NELL1: variants seen among roughly 807,000 people sequenced by gnomAD.
NELL1 encodes the protein protein kinase C-binding protein NELL1.
Under a neutral mutation model 107.4 loss-of-function variants are expected in NELL1, and 76 were observed. That is an observed-to-expected ratio of 0.71 (90% CI 0.59 to 0.86). NELL1 has a LOEUF of 0.86. Among genes scored for constraint, NELL1 ranks in the 40% least tolerant of loss-of-function variants. The pLI is 0.00. For missense variants in NELL1, 1,024 were observed against 1,005.5 expected, an observed-to-expected ratio of 1.02 and a Z score of -0.25; for synonymous variants, 353 against 341.2, an observed-to-expected ratio of 1.03 and a Z score of -0.38.
chr11:21,537,248 T>C (rs1006583130), intron 16 of NELL1, among the ~76,000 whole-genome samples: 3 of 152,186 alleles, frequency 2.0e-5, no homozygotes, highest in South Asian at 4.1e-4. Flanking sequence ...TTTCTTCTTA[T>C]GGCCTTCTAA....
chr11:21,366,167 G>A (rs1851214933), intron 14 of NELL1, among the ~76,000 whole-genome samples: 1 of 152,134 alleles, frequency 6.6e-6, no homozygotes. Flanking sequence ...ACAGAGCTGG[G>A]TTGGAGAAAT....
intron 2 of NELL1, among the ~76,000 whole-genome samples, chr11:20,721,429 C>T (rs1855386136): frequency 1.3e-5 from 2 of 152,122 alleles, no homozygotes; most frequent in South Asian, 2.1e-4. Context: ...TTCTCCTTCA[C>T]ATTTTTCACC....
At chr11:21,139,216 C>G (rs894608406) in intron 13 of NELL1, among the ~76,000 whole-genome samples, 2 of 152,196 alleles carry the variant, frequency 1.3e-5, no homozygotes, top group African/African-American at 4.8e-5. Context: ...TGCCCATTTT[C>G]TCACTTGCCT....
intron 14 of NELL1, among the ~76,000 whole-genome samples, chr11:21,364,820 T>C (rs1382834340): frequency 1.3e-5 from 2 of 152,198 alleles, no homozygotes; most frequent in East Asian, 1.9e-4. Context: ...AGCAGGGAGA[T>C]GAGAAGGTGA....
chr11:20,949,708 C>G (rs1851034248), intron 11 of NELL1, among the ~76,000 whole-genome samples: 1 of 152,166 alleles, frequency 6.6e-6, no homozygotes, highest in Non-Finnish European at 1.5e-5. Context: ...AATGAAGATG[C>G]TGAGAGATGT....
chr11:21,391,330 G>A (rs1851874161), intron 15 of NELL1, among the ~76,000 whole-genome samples: 1 of 151,576 alleles, frequency 6.6e-6, no homozygotes, highest in Admixed American at 6.6e-5. Context: ...ATGTGGCTTT[G>A]TGAGCATCTA....
intron 14 of NELL1, among the ~76,000 whole-genome samples, chr11:21,353,223 C>CTA (rs1465869956): frequency 6.6e-6 from 1 of 152,154 alleles, no homozygotes; most frequent in Non-Finnish European, 1.5e-5. Flanking sequence ...GATTGAGGAA[C>CTA]TATACCTAGT....
At chr11:20,891,292 C>A (rs181059784) in intron 5 of NELL1, among the ~76,000 whole-genome samples, 2 of 152,300 alleles carry the variant, frequency 1.3e-5, no homozygotes, top group African/African-American at 2.4e-5. Context: ...AAATAAAATT[C>A]TTTCCAGACA....
chr11:20,856,251 A>G (rs1248670324), intron 4 of NELL1, among the ~76,000 whole-genome samples: 1 of 152,172 alleles, frequency 6.6e-6, no homozygotes, highest in Non-Finnish European at 1.5e-5. Flanking sequence ...TCTGCCAGCA[A>G]GGGTTGTAGA....
In NELL1 at chr11:21,222,355, A is replaced by AT. The variant is rs578038504; in HGVS notation, c.1427-6970dup. On this transcript the variant is annotated intron_variant, in intron 13 of 19. Coordinates refer to ENST00000357134, the MANE Select transcript of NELL1 (RefSeq NM_006157.5). ...CCACCACACCTGGCTAATTTTTTGT[A>AT]TTTTTTTGTATTTTTTTTTTTTAGT... Among the ~76,000 whole-genome samples the AT allele has an allele frequency of 4.0e-3, 590 of 148,882 alleles. 7 individuals are homozygous for AT. The highest frequency in any genetic ancestry group is 0.014 in the African/African-American group (554 of 40,358).
At chr11:21,204,489 T>A (rs182851113) in intron 13 of NELL1, among the ~76,000 whole-genome samples, 1 of 152,036 alleles carries the variant, frequency 6.6e-6, no homozygotes, top group East Asian at 2.0e-4. Context: ...TCTAAATTGG[T>A]TATTCTAGTT....
chr11:21,235,603 A>G (rs1448710832), intron 14 of NELL1, among the ~76,000 whole-genome samples: 1 of 152,184 alleles, frequency 6.6e-6, no homozygotes, highest in Non-Finnish European at 1.5e-5. Context: ...ACTATATAAG[A>G]AATTTGACTT....
rs11025935 is a variant in NELL1, at chr11:21,125,156, G to T, written c.1426+11442G>T. 7.3e-3 allele frequency among the ~76,000 whole-genome samples: 1,118 copies of T among 152,160 alleles called. 16 individuals are homozygous for T. The highest frequency in any genetic ancestry group is 0.025 in the African/African-American group (1,050 of 41,492). On this transcript the variant is annotated intron_variant, in intron 13 of 19. Coordinates refer to ENST00000357134, the MANE Select transcript of NELL1 (RefSeq NM_006157.5). Reference sequence around the variant, plus strand: ...TACCTCTCATAAGCTTTCTATGAAGGGTTTTCAGAAACAAGGCAGTTGGTC... The same window carrying T: ...TACCTCTCATAAGCTTTCTATGAAGTGTTTTCAGAAACAAGGCAGTTGGTC...
chr11:20,676,703 C>T (rs1033078040), intron 1 of NELL1, among the ~76,000 whole-genome samples: 2 of 152,068 alleles, frequency 1.3e-5, no homozygotes, highest in South Asian at 2.1e-4. Context: ...GCTGTAGGAC[C>T]AGGGGTTAAG....
intron 5 of NELL1, among the ~76,000 whole-genome samples, chr11:20,907,288 A>G (rs1015566956): frequency 4.6e-5 from 7 of 152,086 alleles, no homozygotes; most frequent in Non-Finnish European, 1.0e-4. Flanking sequence ...ATGTGAAAAC[A>G]AAACCAAAAA....
chr11:21,508,019 A>T (rs1855334684), intron 15 of NELL1, among the ~76,000 whole-genome samples: 1 of 152,042 alleles, frequency 6.6e-6, no homozygotes, highest in African/African-American at 2.4e-5. Context: ...TGACCTCGTG[A>T]TCCACCTGCC....
intron 13 of NELL1, among the ~76,000 whole-genome samples, chr11:21,114,055 G>GT (rs1488083800): frequency 6.6e-6 from 1 of 152,016 alleles, no homozygotes; most frequent in African/African-American, 2.4e-5. Flanking sequence ...ATGATGAGGT[G>GT]TTTTTGTAGA....
intron 3 of NELL1, among the ~76,000 whole-genome samples, chr11:20,840,107 T>C (rs1848595162): frequency 6.6e-6 from 1 of 152,230 alleles, no homozygotes; most frequent in African/African-American, 2.4e-5. Flanking sequence ...TATAATGGTT[T>C]ATTTATATTA....
chr11:20,721,719 A>T (rs1408758754), intron 2 of NELL1, among the ~76,000 whole-genome samples: 2 of 152,180 alleles, frequency 1.3e-5, no homozygotes, highest in Non-Finnish European at 2.9e-5. Context: ...TTTTTAGAAA[A>T]GTTCGGGGAG....
Sources: gnomAD v4.1 joint callset for allele counts (sites outside exome capture counted in the v4.1 genomes callset) on GRCh38, gnomAD v4.1.1 for gene constraint, MANE v1.5 for transcripts, NCBI Gene and HGNC (gene_info 2026-07-23, HGNC 2026-07-21) for gene names.